The following SIK3 variants were observed in gnomAD, a reference collection of about 807,000 sequenced individuals.
The protein encoded by SIK3 is SIK family kinase 3.
A neutral mutation model predicts 144.2 loss-of-function variants in SIK3; 28 were observed. The ratio of observed to expected loss-of-function variants is 0.19; its 90% confidence interval spans 0.14 to 0.27. The LOEUF is 0.27. SIK3 is among the 10% of genes least tolerant of loss of function. The probability of loss-of-function intolerance (pLI) is 1.00; values close to 1 mark genes in which losing one functional copy is unlikely to be tolerated. For synonymous variants in SIK3, 686 were observed against 676.3 expected (o/e 1.01, Z -0.22); for missense variants, 1,319 against 1,776.0 (o/e 0.74, Z 4.62).
intron 1 of SIK3, among the ~76,000 whole-genome samples, chr11:117,002,394 T>C (rs989100048): frequency 1.3e-5 from 2 of 150,594 alleles, no homozygotes; most frequent in Non-Finnish European, 2.9e-5. Flanking sequence ...AGCCAAACAA[T>C]TGGACACCCT....
intron 1 of SIK3, among the ~76,000 whole-genome samples, chr11:116,958,984 G>C (rs775237159): frequency 6.6e-6 from 1 of 152,066 alleles, no homozygotes; most frequent in Non-Finnish European, 1.5e-5. Context: ...CATGTGAATG[G>C]CACCTTGTAA....
intron 1 of SIK3, chr11:117,035,798 T>C (rs940544091): frequency 1.4e-6 from 2 of 1,437,624 alleles, no homozygotes; most frequent in South Asian, 1.1e-5. Context: ...AGAGTGCTTT[T>C]AGTGCTGCTT....
At chr11:116,914,318 C>A (rs1946500345) in intron 4 of SIK3, among the ~76,000 whole-genome samples, 1 of 151,306 alleles carries the variant, frequency 6.6e-6, no homozygotes, top group Non-Finnish European at 1.5e-5. Flanking sequence ...AAGCAATTCT[C>A]CTGTTTCAGC....
At chr11:116,888,748 G>A (rs1303666839) in intron 6 of SIK3, among the ~76,000 whole-genome samples, 2 of 152,186 alleles carry the variant, frequency 1.3e-5, no homozygotes, top group African/African-American at 4.8e-5. Context: ...TTATTTAACT[G>A]GGATTAAAGA....
At chr11:116,997,494 C>T (rs1467493949) in intron 1 of SIK3, among the ~76,000 whole-genome samples, 1 of 152,196 alleles carries the variant, frequency 6.6e-6, no homozygotes, top group Non-Finnish European at 1.5e-5. Flanking sequence ...GTTCTTAAAT[C>T]ACAGTACTTA....
intron 22 of SIK3, among the ~76,000 whole-genome samples, chr11:116,848,632 T>G (rs1005220052): frequency 3.3e-5 from 5 of 152,220 alleles, no homozygotes; most frequent in Non-Finnish European, 7.3e-5. Flanking sequence ...AGGGAACAGA[T>G]GGCAACTATT....
chr11:117,034,969 T>C (rs1952430376), intron 1 of SIK3, among the ~76,000 whole-genome samples: 1 of 152,242 alleles, frequency 6.6e-6, no homozygotes, highest in Admixed American at 6.5e-5. Flanking sequence ...GGTTGTGATG[T>C]TACCATGTTT....
chr11:116,924,295 CA>C (rs34356087), intron 4 of SIK3, among the ~76,000 whole-genome samples: 10,515 of 105,176 alleles, frequency 0.1, 416 homozygotes, highest in Middle Eastern at 0.16. Flanking sequence ...GACTCCATCT[CA>C]AAAAAAAAAA....
intron 1 of SIK3, among the ~76,000 whole-genome samples, chr11:117,059,535 C>G (rs922471464): frequency 6.6e-6 from 1 of 152,016 alleles, no homozygotes; most frequent in Non-Finnish European, 1.5e-5. Flanking sequence ...AGACAGCAAG[C>G]AACATATTTA....
intron 6 of SIK3, among the ~76,000 whole-genome samples, chr11:116,889,423 T>C (rs1289778892): frequency 6.6e-6 from 1 of 151,772 alleles, no homozygotes; most frequent in Non-Finnish European, 1.5e-5. Context: ...AAAAATTAGC[T>C]TGGAATGGTG....
At chr11:117,022,775 T>G (rs967847054) in intron 1 of SIK3, among the ~76,000 whole-genome samples, 2 of 151,162 alleles carry the variant, frequency 1.3e-5, no homozygotes, top group African/African-American at 2.4e-5. Context: ...TAGTCTCTCA[T>G]AGTCATCAAT....
At chr11:116,990,583 A>G (rs1950470917) in intron 1 of SIK3, among the ~76,000 whole-genome samples, 1 of 152,130 alleles carries the variant, frequency 6.6e-6, no homozygotes, top group Admixed American at 6.5e-5. Flanking sequence ...GCCACTACTC[A>G]CTCGATCACT....
chr11:116,860,311 T>C (rs1333446977), intron 19 of SIK3, among the ~76,000 whole-genome samples: 4 of 151,926 alleles, frequency 2.6e-5, no homozygotes, highest in Non-Finnish European at 4.4e-5. Flanking sequence ...TCTCCCAATA[T>C]TGGTGGCTGG....
intron 1 of SIK3, among the ~76,000 whole-genome samples, chr11:117,081,184 G>GA (rs1954768699): frequency 6.6e-6 from 1 of 151,956 alleles, no homozygotes; most frequent in South Asian, 2.1e-4. Context: ...TGTGAATGGG[G>GA]AAAAAATCTG....
rs534459528 is a variant in SIK3 at position 116,956,823 on chromosome 11, T to A, written c.390+125A>T. On this transcript the variant is annotated intron_variant, in intron 2 of 24. Coordinates refer to ENST00000445177, the MANE Select transcript of SIK3 (RefSeq NM_001366686.3). ...CGCGTAAACAGAAGGGTAGGAAAGA[T>A]AGCAGGATTAACATAGAAACAAAAA... The A allele has an allele frequency of 7.4e-6, 4 of 540,300 alleles. No homozygotes were observed. The South Asian group carries it at 1.2e-4, about 16-fold the overall frequency. 33.5% of individuals were successfully genotyped at this position (540,300 alleles called of 1,614,324 possible). A position where few individuals can be genotyped will look rare whatever the true frequency, so the allele number is the denominator to read the frequency against.
chr11:116,875,082 T>G, intron 11 of SIK3, 76 bp downstream of exon 11: 1 of 1,130,314 alleles, frequency 8.8e-7, no homozygotes, highest in Non-Finnish European at 1.3e-6. Context: ...GTAGGAAATG[T>G]GCCATGGTAG....
chr11:116,862,419 T>A, intron 16 of SIK3, 92 bp from the exon 17 acceptor site: 1 of 1,558,820 alleles, frequency 6.4e-7, no homozygotes, highest in Non-Finnish European at 8.8e-7. Context: ...CAAGCTCTCA[T>A]GGGCAGAAAG....
intron 3 of SIK3, among the ~76,000 whole-genome samples, chr11:116,928,849 C>T (rs558700040): frequency 5.3e-5 from 8 of 152,208 alleles, no homozygotes; most frequent in South Asian, 2.1e-4. Context: ...AATTTTTGTT[C>T]GCCACACACA....
At chr11:117,021,883 C>A (rs1351573922) in intron 1 of SIK3, among the ~76,000 whole-genome samples, 1 of 120,216 alleles carries the variant, frequency 8.3e-6, no homozygotes, top group Non-Finnish European at 1.6e-5. Context: ...TTTCAGCCAA[C>A]GTGTTTGAGA....
Sources: gnomAD v4.1 joint callset for allele counts (sites outside exome capture counted in the v4.1 genomes callset) on GRCh38, gnomAD v4.1.1 for gene constraint, MANE v1.5 for transcripts, NCBI Gene and HGNC (gene_info 2026-07-23, HGNC 2026-07-21) for gene names.